Variants in KCNIP4 observed in about 807,000 individuals in gnomAD.
KCNIP4 encodes potassium voltage-gated channel interacting protein 4.
In KCNIP4, 12 loss-of-function variants were observed where a neutral mutation model predicts 34.0. The ratio of observed to expected loss-of-function variants is 0.35; its 90% CI spans 0.23 to 0.57. The LOEUF (loss-of-function observed/expected upper bound fraction) is 0.57, where lower values mean the gene tolerates loss of function less well. Among genes scored for constraint, KCNIP4 ranks in the 20% least tolerant of loss-of-function variants. The probability of loss-of-function intolerance (pLI) is 0.83; values close to 1 mark genes in which losing one functional copy is unlikely to be tolerated. For missense variants in KCNIP4, 238 were observed against 311.7 expected (o/e 0.76, Z 1.78); for synonymous variants, 124 against 102.2 (o/e 1.21, Z -1.29).
chr4:21,236,113 G>T (rs1759339658), intron 1 of KCNIP4, among the ~76,000 whole-genome samples: 1 of 151,858 alleles, frequency 6.6e-6, no homozygotes, highest in Admixed American at 6.6e-5. Flanking sequence ...TAGGCAACAT[G>T]GTAAAATCCT....
rs1196771834 is a variant in KCNIP4, at chr4:21,104,953, T to C, written c.62-222244A>G. ...GACTCTGTTCTGTTCCATTGGTCTA[T>C]ATCTCTGTTTTGGTACAAGTACCAT... On this transcript the variant is annotated intron_variant, in intron 1 of 8. Transcript: ENST00000382152. 4.0e-5 allele frequency among the ~76,000 whole-genome samples: 6 copies of C among 151,786 alleles called. 2 individuals are homozygous for C. The highest frequency in any genetic ancestry group is 1.5e-4 in the African/African-American group (6 of 41,058).
intron 1 of KCNIP4, among the ~76,000 whole-genome samples, chr4:21,922,750 G>T (rs371104682): frequency 6.6e-6 from 1 of 152,136 alleles, no homozygotes; most frequent in Non-Finnish European, 1.5e-5. Flanking sequence ...ACAAAAATCA[G>T]TAATGAATAC....
chr4:21,740,900 T>C (rs747781466), intron 1 of KCNIP4, among the ~76,000 whole-genome samples: 2 of 152,134 alleles, frequency 1.3e-5, no homozygotes, highest in Non-Finnish European at 2.9e-5. Context: ...CTCAGGGTAT[T>C]ACATTGCCCT....
intron 1 of KCNIP4, among the ~76,000 whole-genome samples, chr4:21,333,615 G>A (rs960111632): frequency 6.6e-6 from 1 of 151,544 alleles, no homozygotes; most frequent in Non-Finnish European, 1.5e-5. Context: ...TACTCCCAAA[G>A]CCATAATTTA....
chr4:21,681,746 G>A (rs992275147), intron 1 of KCNIP4, among the ~76,000 whole-genome samples: 1 of 152,126 alleles, frequency 6.6e-6, no homozygotes, highest in Non-Finnish European at 1.5e-5. Flanking sequence ...GGCTGTACAG[G>A]AAGCACAGCA....
chr4:21,310,348 T>G (rs1337363041), intron 1 of KCNIP4, among the ~76,000 whole-genome samples: 1 of 151,906 alleles, frequency 6.6e-6, no homozygotes, highest in Non-Finnish European at 1.5e-5. Context: ...GCCAGAGAAT[T>G]TACCCAGAGC....
intron 1 of KCNIP4, among the ~76,000 whole-genome samples, chr4:21,919,465 A>G (rs16872124): frequency 0.25 from 38,539 of 152,028 alleles, 5,713 homozygotes; most frequent in East Asian, 0.61. Flanking sequence ...AAGAAGCTTT[A>G]ATAAGGATGT....
chr4:21,235,249 ACTTAGGTTTACAGACCC>A (rs1759271049), intron 1 of KCNIP4, among the ~76,000 whole-genome samples: 1 of 152,150 alleles, frequency 6.6e-6, no homozygotes, highest in African/African-American at 2.4e-5. Flanking sequence ...TGCTCTTTGC[ACTTAGGTTTACAGACCC>A]CTGAATGCTC....
intron 1 of KCNIP4, among the ~76,000 whole-genome samples, chr4:21,678,112 C>T (rs1447554910): frequency 1.3e-5 from 2 of 152,104 alleles, no homozygotes; most frequent in Non-Finnish European, 2.9e-5. Flanking sequence ...TGTGAAGGGT[C>T]AGATGGTAAG....
rs180808197 is a variant in KCNIP4, at chr4:21,741,091, G to A, written c.61+207480C>T. On this transcript the variant is annotated intron_variant, in intron 1 of 8. Transcript: ENST00000382152. ...TAATAAATACAGCAGATTAAAAGGT[G>A]ACTGGTTCCTCCTTTCTTGTTCATA... Among the ~76,000 whole-genome samples, 1,331 of 152,226 alleles carry A rather than the reference G, an allele frequency of 8.7e-3. 19 individuals are homozygous for A. Among genetic ancestry groups the A allele is most frequent in the South Asian group, 0.039 (188 of 4,824 alleles).
intron 1 of KCNIP4, among the ~76,000 whole-genome samples, chr4:21,791,629 A>C (rs1178760670): frequency 6.6e-6 from 1 of 152,108 alleles, no homozygotes; most frequent in Non-Finnish European, 1.5e-5. Context: ...TAACTGGAGG[A>C]AAGTTGACTG....
At chr4:21,649,566 T>C (rs1216302533) in intron 1 of KCNIP4, among the ~76,000 whole-genome samples, 2 of 152,218 alleles carry the variant, frequency 1.3e-5, no homozygotes, top group Admixed American at 1.3e-4. Flanking sequence ...TTTTCAAGCA[T>C]GTGATCCATA....
intron 1 of KCNIP4, among the ~76,000 whole-genome samples, chr4:21,602,176 A>T (rs1743230976): frequency 6.6e-6 from 1 of 151,970 alleles, no homozygotes; most frequent in South Asian, 2.1e-4. Context: ...CTTAATTCAA[A>T]CAACTCTTCT....
chr4:21,616,361 T>G (rs1577698470), intron 1 of KCNIP4, among the ~76,000 whole-genome samples: 1 of 149,836 alleles, frequency 6.7e-6, no homozygotes, highest in East Asian at 2.0e-4. Flanking sequence ...TTTATTACCA[T>G]CTAACACATC....
intron 1 of KCNIP4, among the ~76,000 whole-genome samples, chr4:21,489,420 A>C (rs1732188759): frequency 6.6e-6 from 1 of 152,172 alleles, no homozygotes; most frequent in African/African-American, 2.4e-5. Context: ...ATGACTTTTC[A>C]AAAAACCTTT....
At chr4:20,823,753 C>A (rs1235357573) in intron 3 of KCNIP4, among the ~76,000 whole-genome samples, 1 of 152,154 alleles carries the variant, frequency 6.6e-6, no homozygotes, top group African/African-American at 2.4e-5. Flanking sequence ...TCTTTTATAG[C>A]AGTCCAAACT....
chr4:21,606,724 G>C (rs1743715514), intron 1 of KCNIP4, among the ~76,000 whole-genome samples: 1 of 152,144 alleles, frequency 6.6e-6, no homozygotes, highest in Non-Finnish European at 1.5e-5. Context: ...CTCCCGAGTA[G>C]CTGGGATAAC....
intron 1 of KCNIP4, among the ~76,000 whole-genome samples, chr4:21,147,358 T>C (rs1294858647): frequency 1.3e-5 from 2 of 152,160 alleles, no homozygotes; most frequent in African/African-American, 4.8e-5. Context: ...TTCCTTATGG[T>C]TTCCCTACAA....
chr4:21,489,321 G>GAAAA (rs529825719), intron 1 of KCNIP4, among the ~76,000 whole-genome samples: 1 of 125,532 alleles, frequency 8.0e-6, no homozygotes, highest in Admixed American at 8.2e-5. Context: ...ACATAGAGTT[G>GAAAA]AAAAAAAAAA....
Sources: allele counts gnomAD v4.1 joint callset (sites outside exome capture counted in the v4.1 genomes callset), GRCh38; gene constraint gnomAD v4.1.1; transcripts MANE v1.5; gene names NCBI Gene and HGNC (gene_info 2026-07-23, HGNC 2026-07-21).